COL26A1: variants seen among roughly 807,000 people sequenced by gnomAD.
COL26A1 encodes collagen alpha-1(XXVI) chain.
A neutral mutation model predicts 59.3 loss-of-function variants in COL26A1; 41 were observed. The ratio of observed to expected loss-of-function variants is 0.69; its 90% CI spans 0.54 to 0.90. The LOEUF is 0.90. Among genes scored for constraint, COL26A1 ranks in the 40% least tolerant of loss-of-function variants. The pLI, the probability that COL26A1 is intolerant of heterozygous loss-of-function variation, is 0.00. For missense variants in COL26A1, 612 were observed against 602.3 expected (o/e 1.02, Z -0.17); for synonymous variants, 266 against 256.0 (o/e 1.04, Z -0.37).
At chr7:101,520,546 G>A (rs768031963) in intron 3 of COL26A1, among the ~76,000 whole-genome samples, 1 of 151,956 alleles carries the variant, frequency 6.6e-6, no homozygotes, top group Non-Finnish European at 1.5e-5. Flanking sequence ...AATTAGCTGG[G>A]CATGGTGGTG....
At chr7:101,400,647 C>T (rs143222446) in intron 1 of COL26A1, among the ~76,000 whole-genome samples, 5,356 of 152,250 alleles carry the variant, frequency 0.035, 126 homozygotes, top group Middle Eastern at 0.11. Flanking sequence ...CAACCTCTGC[C>T]TCCCAGGTTC....
intron 3 of COL26A1, among the ~76,000 whole-genome samples, chr7:101,530,099 A>G (rs541300826): frequency 3.3e-5 from 5 of 152,186 alleles, no homozygotes; most frequent in Admixed American, 3.3e-4. Context: ...AGCAGGGTGA[A>G]TGTATAGGTG....
At chr7:101,553,895 G>A (rs1168017207) in intron 11 of COL26A1, among the ~76,000 whole-genome samples, 3 of 152,172 alleles carry the variant, frequency 2.0e-5, no homozygotes, top group Non-Finnish European at 4.4e-5. Flanking sequence ...GCTGGGGCCA[G>A]TGGGAGGGGG....
intron 2 of COL26A1, among the ~76,000 whole-genome samples, chr7:101,434,182 CCTTCTCTCTCTCTCTCT>C (rs1792856596): frequency 3.9e-5 from 5 of 129,718 alleles, no homozygotes; most frequent in African/African-American, 6.1e-5. Context: ...TTCCTTCCTT[CCTTCTCTCTCTCTCTCT>C]CTCCCGCCCC....
At chr7:101,444,658 G>T (rs906042682) in intron 2 of COL26A1, among the ~76,000 whole-genome samples, 3 of 149,660 alleles carry the variant, frequency 2.0e-5, no homozygotes, top group African/African-American at 7.4e-5. Context: ...CAGGTGATCC[G>T]CCCACCTCGG....
chr7:101,442,329 CT>C (rs35025332), intron 2 of COL26A1, among the ~76,000 whole-genome samples: 78,072 of 139,090 alleles, frequency 0.56, 21,730 homozygotes, highest in Middle Eastern at 0.69. Context: ...CTAGGTCTTT[CT>C]TTTTTTTTTT....
At chr7:101,364,572 C>CTT (rs10596691) in intron 1 of COL26A1, among the ~76,000 whole-genome samples, 2 of 146,226 alleles carry the variant, frequency 1.4e-5, no homozygotes, top group African/African-American at 4.9e-5. Context: ...TGCTTTCTTT[C>CTT]TTTTTTTTTT....
At chr7:101,363,494 A>G (rs1167088158) in intron 1 of COL26A1, among the ~76,000 whole-genome samples, 4 of 104,404 alleles carry the variant, frequency 3.8e-5, no homozygotes, top group Admixed American at 2.2e-4. Context: ...GGGGGGAAAG[A>G]CCGAAGGGCC....
chr7:101,401,608 G>A (rs1792001041), intron 1 of COL26A1, among the ~76,000 whole-genome samples: 1 of 149,084 alleles, frequency 6.7e-6, no homozygotes, highest in Non-Finnish European at 1.5e-5. Context: ...AAGAGTAGGA[G>A]GAAGAAGAGG....
intron 3 of COL26A1, among the ~76,000 whole-genome samples, chr7:101,462,263 G>A (rs994073272): frequency 6.6e-6 from 1 of 152,046 alleles, no homozygotes; most frequent in Admixed American, 6.6e-5. Flanking sequence ...CTCCCAGAGT[G>A]CTGGGATTAC....
At chr7:101,531,390 G>A (rs1196804064) in intron 3 of COL26A1, among the ~76,000 whole-genome samples, 1 of 152,198 alleles carries the variant, frequency 6.6e-6, no homozygotes, top group African/African-American at 2.4e-5. Context: ...GTGAAGTCCT[G>A]CCTGGTCCCA....
intron 2 of COL26A1, among the ~76,000 whole-genome samples, chr7:101,426,792 C>A (rs1281164674): frequency 1.3e-5 from 2 of 152,258 alleles, no homozygotes; most frequent in African/African-American, 4.8e-5. Flanking sequence ...TATGGGTGAG[C>A]TATGAAGAGA....
rs754290439 is a variant in COL26A1 at position 101,475,766 on chromosome 7, CTCTT to C, written c.385+27998_385+28001del. 6.1e-3 allele frequency among the ~76,000 whole-genome samples: 729 copies of C among 120,168 alleles called. 2 individuals carry two copies. The highest frequency in any genetic ancestry group is 0.011 in the East Asian group (50 of 4,702). 78.8% of individuals were successfully genotyped at this position (120,168 alleles called of 152,430 possible). On this transcript the variant is annotated intron_variant, in intron 3 of 12. Transcript: ENST00000313669. ...TTCCTTCCTTCCTTTTTCTTTCTTT[CTCTT>C]TCTTTCTTTCTTTCTTTCCTTCCTT...
intron 11 of COL26A1, among the ~76,000 whole-genome samples, chr7:101,554,576 A>C (rs1441181309): frequency 3.8e-5 from 3 of 78,024 alleles, no homozygotes; most frequent in African/African-American, 2.0e-4. Flanking sequence ...TTAAAAAAAA[A>C]AAAAAAAAAA....
At chr7:101,401,736 AAGG>A (rs375546439) in intron 1 of COL26A1, among the ~76,000 whole-genome samples, 1 of 132,740 alleles carries the variant, frequency 7.5e-6, no homozygotes, top group Admixed American at 7.4e-5. Context: ...GAAGGAAGAG[AAGG>A]AGGAGGAAGA....
chr7:101,456,671 T>TAC (rs1310364575), intron 3 of COL26A1, among the ~76,000 whole-genome samples: 2,660 of 118,760 alleles, frequency 0.022, 69 homozygotes, highest in African/African-American at 0.078. Flanking sequence ...CTCAAAAAAT[T>TAC]ATATATATAT....
intron 3 of COL26A1, among the ~76,000 whole-genome samples, chr7:101,508,417 G>C (rs1794856129): frequency 1.3e-5 from 2 of 151,910 alleles, no homozygotes; most frequent in South Asian, 4.2e-4. Flanking sequence ...TCCTCAGGAG[G>C]CTGAGGTGGG....
chr7:101,417,497 C>CT (rs763020003), intron 1 of COL26A1, among the ~76,000 whole-genome samples: 3,119 of 133,862 alleles, frequency 0.023, 77 homozygotes, highest in East Asian at 0.15. Flanking sequence ...TGCCTAATAT[C>CT]TTTTTTTTTT....
intron 3 of COL26A1, among the ~76,000 whole-genome samples, chr7:101,526,196 C>A (rs780416599): frequency 2.6e-5 from 4 of 151,956 alleles, no homozygotes; most frequent in African/African-American, 9.7e-5. Flanking sequence ...TTACAGGTGC[C>A]CGCCACCACA....
Sources: allele counts gnomAD v4.1 joint callset (sites outside exome capture counted in the v4.1 genomes callset), GRCh38; gene constraint gnomAD v4.1.1; transcripts MANE v1.5; gene names NCBI Gene and HGNC (gene_info 2026-07-23, HGNC 2026-07-21).